MNAT1: variants seen among roughly 807,000 people sequenced by gnomAD.
The protein encoded by MNAT1 is CDK-activating kinase assembly factor MAT1.
A neutral mutation model predicts 42.0 loss-of-function variants in MNAT1; 43 were observed. The ratio of observed to expected loss-of-function variants is 1.02; its 90% CI spans 0.80 to 1.32. The LOEUF is 1.32. Ranked by LOEUF, MNAT1 falls within the 40% of genes most tolerant of loss-of-function variation. The pLI, the probability that MNAT1 is intolerant of heterozygous loss-of-function variation, is 0.00. For missense variants in MNAT1, 306 were observed against 350.4 expected, an observed-to-expected ratio of 0.87 and a Z score of 1.01; for synonymous variants, 118 against 120.0, an observed-to-expected ratio of 0.98 and a Z score of 0.11.
Position 60,801,232 on chromosome 14 carries a change from G to C in MNAT1, c.316+3072G>C, listed in dbSNP as rs557340051. ...AAATGTTGAGCATGTTGGAGAATGA[G>C]CAAGTAGTCTGTTATAGGTGGGTAA... On this transcript the variant is annotated intron_variant, in intron 3 of 7. Transcript: ENST00000261245. Among the ~76,000 whole-genome samples the C allele has an allele frequency of 2.6e-5, 4 of 151,984 alleles. 1 individual carries two copies. In the South Asian group the frequency reaches 8.4e-4, roughly 32 times the overall value.
chr14:60,900,810 G>A (rs2209896), intron 7 of MNAT1, among the ~76,000 whole-genome samples: 139,540 of 151,834 alleles, frequency 0.92, 64,739 homozygotes, highest in Non-Finnish European at 0.99. Context: ...CCAAGAGTTC[G>A]AGAGCAGCCT....
intron 6 of MNAT1, among the ~76,000 whole-genome samples, chr14:60,874,737 A>G (rs1279252448): frequency 6.6e-6 from 1 of 152,146 alleles, no homozygotes; most frequent in Non-Finnish European, 1.5e-5. Flanking sequence ...CTGATAATTT[A>G]GAATAATATC....
Position 60,734,884 on chromosome 14 carries a change from C to A in MNAT1, c.22C>A (p.Arg8=), listed in dbSNP as rs1199181584. 1 of 1,613,960 alleles carries A rather than the reference C, an allele frequency of 6.2e-7. No homozygotes were observed. Among genetic ancestry groups the A allele is most frequent in the Non-Finnish European group, 8.5e-7 (1 of 1,180,004 alleles). Residue 8 remains arginine (R), a synonymous_variant, in exon 1 of 8, where the codon CGG becomes AGG. Coordinates refer to ENST00000261245, the MANE Select transcript of MNAT1 (RefSeq NM_002431.4). This position sits in a 1 kb window ranked among gnomAD's most constrained non-coding sequence, Gnocchi z 4.3. ...CGCCATGGACGATCAGGGTTGCCCT[C>A]GGTGTAAGACCACCAAATATCGGAA... is the stretch of plus-strand genomic sequence containing the variant. The part of the protein sequence containing the change: MDDQGCP[R]CKTTKYRNPS...
chr14:60,766,214 G>C (rs779575985), intron 1 of MNAT1, among the ~76,000 whole-genome samples: 4 of 152,012 alleles, frequency 2.6e-5, no homozygotes, highest in Non-Finnish European at 5.9e-5. Context: ...CAGGCTTGGT[G>C]GTGGGCGCCC....
At chr14:60,961,023 T>C (rs534200678) in intron 7 of MNAT1, among the ~76,000 whole-genome samples, 15 of 152,138 alleles carry the variant, frequency 9.9e-5, no homozygotes, top group Middle Eastern at 3.4e-3. Context: ...AGTGCAATGG[T>C]GCGATCTCAG....
chr14:60,884,093 C>T (rs915451638), intron 7 of MNAT1, among the ~76,000 whole-genome samples: 2 of 151,730 alleles, frequency 1.3e-5, no homozygotes, highest in Non-Finnish European at 2.9e-5. Context: ...GCTAGGACTG[C>T]CAGTTCTGTG....
At chr14:60,762,849 A>G (rs539353198) in intron 1 of MNAT1, among the ~76,000 whole-genome samples, 11 of 152,240 alleles carry the variant, frequency 7.2e-5, no homozygotes, top group Admixed American at 6.5e-4. Context: ...CTTGGCCGGA[A>G]ATTTTTACTG....
intron 4 of MNAT1, chr14:60,808,967 T>A (rs1370879406): frequency 1.3e-5 from 2 of 152,162 alleles, no homozygotes. Flanking sequence ...AAGAGTAACA[T>A]TGCTAGATAT....
intron 7 of MNAT1, among the ~76,000 whole-genome samples, chr14:60,924,933 G>T (rs2035735214): frequency 6.6e-6 from 1 of 152,210 alleles, no homozygotes; most frequent in South Asian, 2.1e-4. Context: ...ATTCCATATT[G>T]TAGAAGCTAT....
At chr14:60,836,446 T>G (rs985480970) in intron 6 of MNAT1, among the ~76,000 whole-genome samples, 1 of 152,226 alleles carries the variant, frequency 6.6e-6, no homozygotes, top group Non-Finnish European at 1.5e-5. Flanking sequence ...TTGTTGATGT[T>G]GATGCTATTC....
intron 7 of MNAT1, among the ~76,000 whole-genome samples, chr14:60,888,820 C>T (rs1463803338): frequency 2.3e-5 from 3 of 131,168 alleles, no homozygotes; most frequent in African/African-American, 8.5e-5. Context: ...AAACAGAGAG[C>T]CAAATCATGA....
intron 1 of MNAT1, among the ~76,000 whole-genome samples, chr14:60,737,557 G>GT (rs1896341193): frequency 6.6e-6 from 1 of 152,036 alleles, no homozygotes; most frequent in Non-Finnish European, 1.5e-5. Flanking sequence ...TAATTATCCA[G>GT]TTTTTCCTTG....
At chr14:60,799,715 T>TAC (rs1566770912) in intron 3 of MNAT1, among the ~76,000 whole-genome samples, 1 of 151,258 alleles carries the variant, frequency 6.6e-6, no homozygotes, top group East Asian at 1.9e-4. Context: ...TATATATATA[T>TAC]ACACACACAC....
intron 2 of MNAT1, among the ~76,000 whole-genome samples, chr14:60,797,609 T>C (rs186772885): frequency 6.6e-6 from 1 of 152,254 alleles, no homozygotes; most frequent in East Asian, 1.9e-4. Flanking sequence ...ATTTTTGGTC[T>C]GGTTACAAAC....
intron 6 of MNAT1, among the ~76,000 whole-genome samples, chr14:60,823,959 C>T (rs2032979747): frequency 1.3e-5 from 2 of 151,910 alleles, no homozygotes; most frequent in Middle Eastern, 3.4e-3. Flanking sequence ...GAGTTGAAGA[C>T]CAGTGTGGCC....
chr14:60,767,363 A>G (rs928109560), intron 1 of MNAT1, among the ~76,000 whole-genome samples: 2 of 152,188 alleles, frequency 1.3e-5, no homozygotes, highest in African/African-American at 4.8e-5. Context: ...AGTCTGGCTC[A>G]GTATTTCTTT....
intron 7 of MNAT1, chr14:60,920,113 C>A: frequency 6.5e-6 from 1 of 152,798 alleles, no homozygotes; most frequent in Non-Finnish European, 1.5e-5. Context: ...CTATAAATGG[C>A]AGTGGGGCCA....
At position 60,907,230 on chromosome 14, in the gene MNAT1, C is replaced by T. The variant is rs373915956; in HGVS notation, c.809+27395C>T. On this transcript the variant is annotated intron_variant, in intron 7 of 7. Transcript: ENST00000261245. ...CAGGTGGATCATGAGGTCCAGAGTT[C>T]GAGACCAGCCTGGCCAACATAGTGA... Among the ~76,000 whole-genome samples, 40 of 152,082 alleles carry T rather than the reference C, an allele frequency of 2.6e-4. No individual in the cohort carries two copies. The East Asian group carries it at 5.4e-3, about 21-fold the overall frequency.
chr14:60,908,101 G>T (rs529049090), intron 7 of MNAT1, among the ~76,000 whole-genome samples: 41 of 152,186 alleles, frequency 2.7e-4, no homozygotes, highest in African/African-American at 9.1e-4. Flanking sequence ...ATCTGCAGAA[G>T]TCAAAGCTCA....
Sources: gnomAD v4.1 joint callset for allele counts (sites outside exome capture counted in the v4.1 genomes callset) on GRCh38, gnomAD v4.1.1 for gene constraint, Gnocchi (gnomAD v3.1) non-coding constraint, MANE v1.5 for transcripts, NCBI Gene and HGNC (gene_info 2026-07-23, HGNC 2026-07-21) for gene names.